Variants in PDE7B observed in about 807,000 individuals in gnomAD.
PDE7B encodes the protein phosphodiesterase 7B.
Under a neutral mutation model 56.2 loss-of-function variants are expected in PDE7B, and 29 were observed. The observed-to-expected ratio is 0.52, with a 90% confidence interval of 0.38 to 0.70. The LOEUF is 0.70. PDE7B is among the 30% of genes least tolerant of loss of function. The pLI, the probability that PDE7B is intolerant of heterozygous loss-of-function variation, is 0.00. For synonymous variants in PDE7B, 197 were observed against 196.9 expected, an observed-to-expected ratio of 1.00 and a Z score of 0.00; for missense variants, 490 against 565.0, an observed-to-expected ratio of 0.87 and a Z score of 1.35.
intron 11 of PDE7B, among the ~76,000 whole-genome samples, chr6:136,185,042 G>A (rs140677670): frequency 3.3e-5 from 5 of 152,128 alleles, no homozygotes; most frequent in African/African-American, 1.2e-4. Flanking sequence ...AATTACGGAG[G>A]TGAGGAGTGA....
At chr6:136,024,896 T>C (rs1776125790) in intron 2 of PDE7B, among the ~76,000 whole-genome samples, 2 of 152,186 alleles carry the variant, frequency 1.3e-5, no homozygotes, top group Admixed American at 1.3e-4. Context: ...TTGCAACAAC[T>C]GGGTAAATTT....
intron 2 of PDE7B, among the ~76,000 whole-genome samples, chr6:136,004,122 T>C (rs1002165357): frequency 3.9e-5 from 6 of 152,168 alleles, no homozygotes; most frequent in African/African-American, 7.2e-5. Flanking sequence ...TCTCAATAGA[T>C]GCAGAAAAGG....
At chr6:135,896,166 GGA>G (rs1775898423) in intron 1 of PDE7B, among the ~76,000 whole-genome samples, 2 of 152,126 alleles carry the variant, frequency 1.3e-5, no homozygotes, top group South Asian at 4.1e-4. Context: ...GAAAACGCGG[GGA>G]GAGAACAGCC....
rs72005772 is a variant in PDE7B, at chr6:135,972,233, C to CAA, written c.82+24736_82+24737dup. ...TGGGCAACTAGAGCTAAACTGTTCTCAAAAAAAAAAAAAAAAAAAAAAAAA... is the reference window on the plus strand; with the variant it reads ...TGGGCAACTAGAGCTAAACTGTTCTCAAAAAAAAAAAAAAAAAAAAAAAAAAA... On this transcript the variant is annotated intron_variant, in intron 2 of 12. Coordinates refer to ENST00000308191, the MANE Select transcript of PDE7B (RefSeq NM_018945.4). Among the ~76,000 whole-genome samples, 60 of 65,174 alleles carry CAA rather than the reference C, an allele frequency of 9.2e-4. 1 individual carries two copies. The highest frequency in any genetic ancestry group is 1.8e-3 in the South Asian group (2 of 1,126). 42.8% of individuals were successfully genotyped at this position (65,174 alleles called of 152,430 possible). A position where few individuals can be genotyped will look rare whatever the true frequency, so the allele number is the denominator to read the frequency against.
At chr6:135,923,989 T>C (rs1774137584) in intron 1 of PDE7B, among the ~76,000 whole-genome samples, 1 of 152,150 alleles carries the variant, frequency 6.6e-6, no homozygotes, top group Non-Finnish European at 1.5e-5. Context: ...AGAAATCTAA[T>C]GAAAGCAATA....
chr6:135,894,789 G>C (rs1342203048), intron 1 of PDE7B, among the ~76,000 whole-genome samples: 2 of 152,096 alleles, frequency 1.3e-5, no homozygotes, highest in Non-Finnish European at 2.9e-5. Context: ...ATCAGTACGA[G>C]ACGGGTCCCA....
intron 3 of PDE7B, among the ~76,000 whole-genome samples, chr6:136,124,809 CTAAAGT>C (rs1219349437): frequency 1.3e-5 from 2 of 152,090 alleles, no homozygotes; most frequent in African/African-American, 2.4e-5. Flanking sequence ...TTTATTTTTA[CTAAAGT>C]TAAATTATAT....
intron 2 of PDE7B, among the ~76,000 whole-genome samples, chr6:135,997,356 A>G (rs1457389009): frequency 7.1e-6 from 1 of 141,680 alleles, no homozygotes; most frequent in Admixed American, 7.3e-5. Context: ...CAAGGCTGCA[A>G]TGAGCCATGA....
At chr6:135,891,023 T>A (rs1242804514) in intron 1 of PDE7B, among the ~76,000 whole-genome samples, 1 of 152,150 alleles carries the variant, frequency 6.6e-6, no homozygotes, top group East Asian at 1.9e-4. Flanking sequence ...ATTAAAAGGG[T>A]TTCTGCTGCA....
At chr6:135,992,438 C>A (rs1305931775) in intron 2 of PDE7B, among the ~76,000 whole-genome samples, 1 of 152,044 alleles carries the variant, frequency 6.6e-6, no homozygotes, top group Non-Finnish European at 1.5e-5. Flanking sequence ...AAATATATAT[C>A]ATTAATTTGC....
chr6:136,156,116 T>G, intron 8 of PDE7B: 1 of 369,248 alleles, frequency 2.7e-6, no homozygotes, highest in Non-Finnish European at 5.3e-6. Flanking sequence ...TATTCTCTAA[T>G]TCTCTGGCCT....
At chr6:136,076,968 C>A (rs1219828430) in intron 2 of PDE7B, among the ~76,000 whole-genome samples, 2 of 152,018 alleles carry the variant, frequency 1.3e-5, no homozygotes, top group Non-Finnish European at 2.9e-5. Flanking sequence ...CGACCCCTGA[C>A]AATAAGTGAA....
chr6:136,177,841 T>C (rs867052448), intron 9 of PDE7B, among the ~76,000 whole-genome samples: 11 of 152,172 alleles, frequency 7.2e-5, no homozygotes, highest in Admixed American at 1.3e-4. Context: ...GCTTTTTTCA[T>C]AGTAGCCAAA....
intron 2 of PDE7B, among the ~76,000 whole-genome samples, chr6:136,013,356 G>T (rs1354426849): frequency 1.3e-5 from 2 of 152,162 alleles, no homozygotes; most frequent in African/African-American, 2.4e-5. Context: ...CAAGACAAAG[G>T]TGTTCCTCTT....
intron 2 of PDE7B, among the ~76,000 whole-genome samples, chr6:136,084,852 C>T (rs973608506): frequency 6.6e-6 from 1 of 152,126 alleles, no homozygotes; most frequent in African/African-American, 2.4e-5. Context: ...GGAATTGGTT[C>T]CAAATAATTT....
intron 1 of PDE7B, among the ~76,000 whole-genome samples, chr6:135,916,387 TC>T (rs1773942297): frequency 1.8e-5 from 2 of 108,968 alleles, no homozygotes; most frequent in African/African-American, 9.4e-5. Flanking sequence ...TCTTTTCTTT[TC>T]TTTCTTTTTT....
intron 2 of PDE7B, among the ~76,000 whole-genome samples, chr6:135,978,466 A>G (rs1583807929): frequency 6.6e-6 from 1 of 152,106 alleles, no homozygotes; most frequent in Admixed American, 6.6e-5. Context: ...CTTAGGCTAC[A>G]CTAACTTGAT....
intron 1 of PDE7B, among the ~76,000 whole-genome samples, chr6:135,854,808 TGAAGAA>T: frequency 6.6e-6 from 1 of 152,250 alleles, no homozygotes; most frequent in South Asian, 2.1e-4. Flanking sequence ...CATGCAAACT[TGAAGAA>T]GAGAAGGAGA....
intron 3 of PDE7B, among the ~76,000 whole-genome samples, chr6:136,113,956 A>T (rs1051907903): frequency 1.3e-5 from 2 of 152,212 alleles, no homozygotes; most frequent in African/African-American, 2.4e-5. Context: ...GGCTCAGCAG[A>T]GGAAGTGACA....
Sources: allele counts gnomAD v4.1 joint callset (sites outside exome capture counted in the v4.1 genomes callset), GRCh38; gene constraint gnomAD v4.1.1; transcripts MANE v1.5; gene names NCBI Gene and HGNC (gene_info 2026-07-23, HGNC 2026-07-21).